The following PON1 variants were observed in gnomAD, a reference collection of about 807,000 sequenced individuals.
PON1 encodes serum paraoxonase/arylesterase 1.
PON1 carries 37 observed loss-of-function variants against 39.2 expected under a neutral mutation model. The observed-to-expected ratio is 0.94, with a 90% CI of 0.73 to 1.24. The LOEUF (loss-of-function observed/expected upper bound fraction) is 1.24. Among genes scored for constraint, PON1 ranks in the 50% most tolerant of loss-of-function variants. The probability of loss-of-function intolerance (pLI) is 0.00; values close to 1 mark genes in which losing one functional copy is unlikely to be tolerated. For synonymous variants in PON1, 148 were observed against 152.2 expected (o/e 0.97, Z 0.21); for missense variants, 397 against 413.5 (o/e 0.96, Z 0.35).
intron 1 of PON1, among the ~76,000 whole-genome samples, chr7:95,319,046 G>A (rs1241730111): frequency 6.6e-6 from 1 of 151,934 alleles, no homozygotes; most frequent in Non-Finnish European, 1.5e-5. Context: ...AGTGCCAGCC[G>A]GCTGCCTGAG....
intron 5 of PON1, 100 bp downstream of exon 5, chr7:95,311,351 G>A (rs1807648569): frequency 7.1e-7 from 1 of 1,415,572 alleles, no homozygotes; most frequent in Admixed American, 1.7e-5. Context: ...AGAAATGAGA[G>A]TTGAACAGCC....
chr7:95,315,259 G>T, intron 4 of PON1, 63 bp downstream of exon 4: 1 of 1,353,790 alleles, frequency 7.4e-7, no homozygotes. Context: ...TCATTTATTG[G>T]CATGTTTTTC....
intron 3 of PON1, 72 bp from the exon 4 acceptor site, chr7:95,315,562 C>T: frequency 6.7e-7 from 1 of 1,488,616 alleles, no homozygotes; most frequent in Non-Finnish European, 9.3e-7. Context: ...CGCTGCATGG[C>T]CCATGGGTTC....
intron 8 of PON1, among the ~76,000 whole-genome samples, chr7:95,299,803 C>T (rs1807377870): frequency 6.6e-6 from 1 of 151,948 alleles, no homozygotes; most frequent in Admixed American, 6.6e-5. Context: ...CTTAATAAAC[C>T]CCCTTTACAT....
intron 4 of PON1, among the ~76,000 whole-genome samples, chr7:95,312,439 C>G (rs1325202834): frequency 1.3e-5 from 2 of 152,170 alleles, no homozygotes; most frequent in African/African-American, 4.8e-5. Context: ...AAGATTTGAA[C>G]AGAGAAAGCT....
At position 95,321,558 on chromosome 7, in the gene PON1, A is replaced by T. The variant is rs898548201; in HGVS notation, c.74+2844T>A. Among the ~76,000 whole-genome samples the T allele has an allele frequency of 8.5e-5, 13 of 152,170 alleles. 1 individual carries two copies. Among genetic ancestry groups the T allele is most frequent in the Admixed American group, 7.2e-4 (11 of 15,278 alleles). ...TTTAATCTTTTTAGCCACCTTTGAGAAAAAGATGAATATTTACCCTGTTTT... is the reference window on the plus strand; with the variant it reads ...TTTAATCTTTTTAGCCACCTTTGAGTAAAAGATGAATATTTACCCTGTTTT... On this transcript the variant is annotated intron_variant, in intron 1 of 8. Transcript: ENST00000222381.
intron 4 of PON1, among the ~76,000 whole-genome samples, chr7:95,314,764 G>C (rs1807728999): frequency 6.6e-6 from 1 of 152,110 alleles, no homozygotes; most frequent in East Asian, 1.9e-4. Flanking sequence ...AGACAAGGAA[G>C]TGACAGCAAA....
intron 1 of PON1, among the ~76,000 whole-genome samples, chr7:95,322,702 A>C (rs1011177951): frequency 2.6e-5 from 4 of 151,984 alleles, no homozygotes; most frequent in African/African-American, 9.7e-5. Flanking sequence ...AGGGGAGGGG[A>C]GCTGTTTCTA....
In PON1 at chr7:95,318,359, C is replaced by T. The variant is rs987766326; in HGVS notation, c.109G>A (p.Val37Ile). 1.3e-5 allele frequency: 21 copies of T among 1,610,218 alleles called. No homozygotes were observed. The highest frequency in any genetic ancestry group is 5.3e-5 in the African/African-American group (4 of 74,904). ...ACTAAATTACAGTTAGGAAGTTCTA[C>T]GGGTTGTACCTCTCGGAGAGCATTA... ...RLNALREVQP[V>I]ELPNCNLVKG... Residue 37 changes from valine (V) to isoleucine (I), a missense_variant, in exon 2 of 9, where the codon GTA becomes ATA. Physicochemically the swap from Val to Ile is conservative, Grantham distance 29. Coordinates refer to ENST00000222381, the MANE Select transcript of PON1 (RefSeq NM_000446.7).
intron 1 of PON1, 61 bp from the exon 2 acceptor site, chr7:95,318,454 A>G: frequency 6.9e-7 from 1 of 1,455,214 alleles, no homozygotes; most frequent in Non-Finnish European, 9.6e-7. Context: ...ATAAGTTGCA[A>G]AGGTAGGCAG....
At chr7:95,313,614 GTA>G (rs1166922957) in intron 4 of PON1, among the ~76,000 whole-genome samples, 69 of 80,382 alleles carry the variant, frequency 8.6e-4, no homozygotes, top group South Asian at 2.0e-3. Context: ...GGATATATAT[GTA>G]TATGTGTGTG....
At chr7:95,307,929 AT>A (rs1807574347) in intron 6 of PON1, 81 bp downstream of exon 6, 2 of 1,290,366 alleles carry the variant, frequency 1.5e-6, no homozygotes, top group Non-Finnish European at 1.1e-6. Context: ...AAAATGTATC[AT>A]ATTACTTAAA....
chr7:95,315,046 A>C (rs955094421), intron 4 of PON1, among the ~76,000 whole-genome samples: 1 of 152,180 alleles, frequency 6.6e-6, no homozygotes, highest in African/African-American at 2.4e-5. Flanking sequence ...TCAGGGCTGG[A>C]TATTATTATT....
At chr7:95,304,327 CTT>C (rs34709624) in intron 7 of PON1, among the ~76,000 whole-genome samples, 14 of 109,516 alleles carry the variant, frequency 1.3e-4, no homozygotes, top group East Asian at 6.3e-4. Flanking sequence ...AACTTCATTC[CTT>C]TTTTTTTTTT....
Position 95,322,330 on chromosome 7 carries a change from A to ATGTGTG in PON1, c.74+2066_74+2071dup, listed in dbSNP as rs3046670. 9.4e-3 allele frequency among the ~76,000 whole-genome samples: 1,177 copies of ATGTGTG among 124,834 alleles called. 17 individuals carry two copies. Among genetic ancestry groups the ATGTGTG allele is most frequent in the African/African-American group, 0.035 (1,106 of 31,694 alleles). 81.9% of individuals were successfully genotyped at this position (124,834 alleles called of 152,430 possible). A position where few individuals can be genotyped will look rare whatever the true frequency, so the allele number is the denominator to read the frequency against. ...GTTTTATATAAATATAAATATATGT[A>ATGTGTG]TGTGTGTGTGTGTGTGTGTGTATAT... On this transcript the variant is annotated intron_variant, in intron 1 of 8. Transcript: ENST00000222381.
intron 5 of PON1, among the ~76,000 whole-genome samples, chr7:95,309,062 G>A (rs958362479): frequency 1.1e-4 from 16 of 152,168 alleles, no homozygotes; most frequent in Admixed American, 7.9e-4. Context: ...CATGGCCAGC[G>A]CATCAGCTCT....
chr7:95,316,142 G>A (rs985222814), intron 3 of PON1, among the ~76,000 whole-genome samples: 10 of 152,084 alleles, frequency 6.6e-5, no homozygotes, highest in Non-Finnish European at 1.0e-4. Flanking sequence ...ATTGTCTGTC[G>A]TTTCCTATCA....
Position 95,322,324 on chromosome 7 carries a change from ATATG to A in PON1, c.74+2074_74+2077del, listed in dbSNP as rs1404868602. ...TTATATGTTTTATATAAATATAAAT[ATATG>A]TATGTGTGTGTGTGTGTGTGTGTAT... On this transcript the variant is annotated intron_variant, in intron 1 of 8. Coordinates refer to ENST00000222381, the MANE Select transcript of PON1 (RefSeq NM_000446.7). Among the ~76,000 whole-genome samples, 462 of 56,612 alleles carry A rather than the reference ATATG, an allele frequency of 8.2e-3. 1 individual carries two copies. The highest frequency in any genetic ancestry group is 0.025 in the African/African-American group (441 of 17,318). 37.1% of individuals were successfully genotyped at this position (56,612 alleles called of 152,430 possible).
chr7:95,308,915 A>C (rs1163009587), intron 5 of PON1, among the ~76,000 whole-genome samples: 1 of 151,764 alleles, frequency 6.6e-6, no homozygotes, highest in Non-Finnish European at 1.5e-5. Flanking sequence ...AAAATGTAAG[A>C]TATATGAGTC....
Sources: gnomAD v4.1 joint callset for allele counts (sites outside exome capture counted in the v4.1 genomes callset) on GRCh38, gnomAD v4.1.1 for gene constraint, MANE v1.5 for transcripts, NCBI Gene and HGNC (gene_info 2026-07-23, HGNC 2026-07-21) for gene names.